RARB: variants seen among roughly 807,000 people sequenced by gnomAD.
RARB encodes the protein retinoic acid receptor beta, also known as HBV-activated protein.
Under a neutral mutation model 51.9 loss-of-function variants are expected in RARB, and 17 were observed. The ratio of observed to expected loss-of-function variants is 0.33; its 90% confidence interval spans 0.22 to 0.49. RARB has a LOEUF of 0.49. RARB is among the 20% of genes least tolerant of loss of function. The pLI is 0.99. For missense variants in RARB, 369 were observed against 550.8 expected (o/e 0.67, Z 3.30); for synonymous variants, 215 against 195.4 (o/e 1.10, Z -0.84).
intron 4 of RARB, among the ~76,000 whole-genome samples, chr3:25,134,599 ATT>A (rs1445126512): frequency 6.6e-6 from 1 of 151,874 alleles, no homozygotes; most frequent in Non-Finnish European, 1.5e-5. Context: ...ATATGTGCTT[ATT>A]CTCTGTCAAC....
At chr3:25,081,606 TATATATATATATATA>T (rs1410195886) in intron 3 of RARB, among the ~76,000 whole-genome samples, 15 of 17,276 alleles carry the variant, frequency 8.7e-4, no homozygotes, top group Admixed American at 2.6e-3. Context: ...TATATATATA[TATATATATATATATA>T]TTTTTTTTTT....
At chr3:25,412,752 G>T (rs1412409176) in intron 5 of RARB, among the ~76,000 whole-genome samples, 1 of 152,206 alleles carries the variant, frequency 6.6e-6, no homozygotes, top group Admixed American at 6.5e-5. Context: ...GGGGGCAGTG[G>T]CTCATGCCTG....
chr3:25,346,851 T>C (rs1263334241), intron 5 of RARB, among the ~76,000 whole-genome samples: 1 of 152,224 alleles, frequency 6.6e-6, no homozygotes, highest in African/African-American at 2.4e-5. Flanking sequence ...TATTGGGGGA[T>C]CTACCCTGTG....
intron 2 of RARB, among the ~76,000 whole-genome samples, chr3:24,914,356 G>A (rs111340193): frequency 0.04 from 6,079 of 152,212 alleles, 384 homozygotes; most frequent in African/African-American, 0.14. Context: ...TAAAGGTGGG[G>A]ATTGCTGCAG....
chr3:25,072,533 A>G (rs922056252), intron 3 of RARB, among the ~76,000 whole-genome samples: 18 of 152,136 alleles, frequency 1.2e-4, no homozygotes, highest in African/African-American at 4.3e-4. Flanking sequence ...TGTTGGAAAC[A>G]CAAGATTCCC....
intron 2 of RARB, among the ~76,000 whole-genome samples, chr3:25,473,347 C>T (rs1445229889): frequency 2.0e-5 from 3 of 151,954 alleles, no homozygotes; most frequent in Non-Finnish European, 4.4e-5. Context: ...GTGTGCATCT[C>T]TGCCTGTACA....
At position 25,387,796 on chromosome 3, in the gene RARB, G is replaced by A. The variant is rs992171464; in HGVS notation, c.179-73397G>A. Among the ~76,000 whole-genome samples, 41 of 151,316 alleles carry A rather than the reference G, an allele frequency of 2.7e-4. 1 individual carries two copies. The highest frequency in any genetic ancestry group is 9.0e-4 in the African/African-American group (37 of 40,886). On this transcript the variant is annotated intron_variant, in intron 5 of 11. Coordinates refer to the RARB transcript ENST00000383772. ...CCACCCTCCTGACAAAGCAGCTTTT[G>A]TGTTTTATGTCAAAATAATCACTTA...
chr3:25,506,966 C>T (rs1484691680), intron 3 of RARB, among the ~76,000 whole-genome samples: 1 of 152,256 alleles, frequency 6.6e-6, no homozygotes, highest in Non-Finnish European at 1.5e-5. Flanking sequence ...ATCAGTTGAA[C>T]CCCAGGAGCC....
chr3:25,235,316 TCTC>T (rs892646513), intron 5 of RARB, among the ~76,000 whole-genome samples: 4 of 152,164 alleles, frequency 2.6e-5, no homozygotes, highest in African/African-American at 9.7e-5. Flanking sequence ...TACTGCAAGT[TCTC>T]ATCATCAAAT....
chr3:25,055,118 C>A (rs1048507365), intron 2 of RARB, among the ~76,000 whole-genome samples: 1 of 152,092 alleles, frequency 6.6e-6, no homozygotes, highest in Non-Finnish European at 1.5e-5. Flanking sequence ...AAAAGCAATT[C>A]TCAAGAGTAA....
At chr3:25,478,715 A>G (rs1229356611) in intron 2 of RARB, among the ~76,000 whole-genome samples, 5 of 152,198 alleles carry the variant, frequency 3.3e-5, no homozygotes, top group African/African-American at 4.8e-5. Context: ...CCCATGTGAC[A>G]CCTGGCTCTG....
chr3:25,454,293 C>T (rs1205372739), intron 1 of RARB, among the ~76,000 whole-genome samples: 3 of 152,196 alleles, frequency 2.0e-5, no homozygotes, highest in Non-Finnish European at 2.9e-5. Context: ...TGCAGTCCTG[C>T]AGTGAATCCA....
chr3:24,920,869 T>A (rs1306519022), intron 2 of RARB, among the ~76,000 whole-genome samples: 1 of 152,188 alleles, frequency 6.6e-6, no homozygotes, highest in Non-Finnish European at 1.5e-5. Flanking sequence ...AGAACCAGAG[T>A]GAGACAGTTC....
At chr3:24,966,398 A>G (rs1292764098) in intron 2 of RARB, among the ~76,000 whole-genome samples, 2 of 152,180 alleles carry the variant, frequency 1.3e-5, no homozygotes, top group Non-Finnish European at 1.5e-5. Context: ...GAGGATTTCT[A>G]TTCCTATCTG....
At chr3:25,342,956 A>G in intron 5 of RARB, among the ~76,000 whole-genome samples, 1 of 151,100 alleles carries the variant, frequency 6.6e-6, no homozygotes, top group Non-Finnish European at 1.5e-5. Context: ...TCATGGTTTA[A>G]GAGGGGGGAG....
chr3:25,528,554 A>G (rs1260869534), intron 3 of RARB, among the ~76,000 whole-genome samples: 1 of 150,764 alleles, frequency 6.6e-6, no homozygotes, highest in Non-Finnish European at 1.5e-5. Context: ...GGAAGGGAGG[A>G]CTCCCCTCCT....
At chr3:25,090,030 C>T (rs973916212) in intron 3 of RARB, among the ~76,000 whole-genome samples, 1 of 152,232 alleles carries the variant, frequency 6.6e-6, no homozygotes, top group Non-Finnish European at 1.5e-5. Context: ...GAAAGATATA[C>T]ATTAACCGAA....
At chr3:25,352,756 A>G (rs907393790) in intron 5 of RARB, among the ~76,000 whole-genome samples, 2 of 152,134 alleles carry the variant, frequency 1.3e-5, no homozygotes, top group Admixed American at 1.3e-4. Flanking sequence ...TACTGCATCC[A>G]TTTCAGGAAT....
intron 2 of RARB, among the ~76,000 whole-genome samples, chr3:25,487,236 G>A (rs1214766049): frequency 6.6e-6 from 1 of 152,164 alleles, no homozygotes; most frequent in Admixed American, 6.5e-5. Flanking sequence ...CGCTTCCATG[G>A]AAGTGTGTTA....
Sources: gnomAD v4.1 joint callset for allele counts (sites outside exome capture counted in the v4.1 genomes callset) on GRCh38, gnomAD v4.1.1 for gene constraint, MANE v1.5 for transcripts, NCBI Gene and HGNC (gene_info 2026-07-23, HGNC 2026-07-21) for gene names.